ACTA2: variants seen among roughly 807,000 people sequenced by gnomAD.
ACTA2 encodes the protein actin, aortic smooth muscle.
A neutral mutation model predicts 39.5 loss-of-function variants in ACTA2; 12 were observed. That is an observed-to-expected ratio of 0.30 (90% confidence interval 0.19 to 0.49). The LOEUF is 0.49. Ranked by LOEUF, ACTA2 falls within the 20% of genes least tolerant of loss-of-function variation. ACTA2 has a pLI of 0.99. For synonymous variants in ACTA2, 158 were observed against 180.6 expected, an observed-to-expected ratio of 0.88 and a Z score of 1.00; for missense variants, 236 against 498.8, an observed-to-expected ratio of 0.47 and a Z score of 5.02.
intron 1 of ACTA2, among the ~76,000 whole-genome samples, chr10:88,975,756 G>T (rs940520463): frequency 6.6e-6 from 1 of 152,156 alleles, no homozygotes; most frequent in African/African-American, 2.4e-5. Context: ...CAAACCAGGA[G>T]ATACTTGACA....
intron 1 of ACTA2, among the ~76,000 whole-genome samples, chr10:88,982,527 G>C (rs937631338): frequency 3.3e-5 from 5 of 152,054 alleles, no homozygotes; most frequent in Non-Finnish European, 7.4e-5. Context: ...AAAAGGCAGA[G>C]ATTCACTGAG....
chr10:88,967,658 G>T (rs1846343427), intron 1 of ACTA2, among the ~76,000 whole-genome samples: 1 of 152,108 alleles, frequency 6.6e-6, no homozygotes, highest in African/African-American at 2.4e-5. Flanking sequence ...AAAGACAGAA[G>T]ATGAACATAT....
At chr10:88,964,221 C>T (rs1367512938) in intron 1 of ACTA2, among the ~76,000 whole-genome samples, 8 of 151,790 alleles carry the variant, frequency 5.3e-5, no homozygotes, top group African/African-American at 1.9e-4. Flanking sequence ...ATCTGGAACC[C>T]CTGCAAAAAA....
chr10:88,961,432 G>A (rs1176729771), intron 1 of ACTA2, among the ~76,000 whole-genome samples: 2 of 152,180 alleles, frequency 1.3e-5, no homozygotes, highest in African/African-American at 4.8e-5. Context: ...TAGTATGAGT[G>A]ACACCTTGCC....
intron 1 of ACTA2, among the ~76,000 whole-genome samples, chr10:88,988,407 G>T (rs1003426545): frequency 1.6e-5 from 2 of 128,210 alleles, no homozygotes; most frequent in East Asian, 2.4e-4. Flanking sequence ...GTGGTAAAAA[G>T]ATGTAGAAGT....
chr10:88,982,535 G>C (rs1042214168), intron 1 of ACTA2, among the ~76,000 whole-genome samples: 1 of 152,142 alleles, frequency 6.6e-6, no homozygotes, highest in African/African-American at 2.4e-5. Flanking sequence ...GAGATTCACT[G>C]AGGGGGGAAT....
upstream of ACTA2, among the ~76,000 whole-genome samples, chr10:88,952,994 CTGTGGG>C (rs1407379600): frequency 6.6e-6 from 1 of 152,254 alleles, no homozygotes; most frequent in Non-Finnish European, 1.5e-5. Context: ...GTTCAGCCGC[CTGTGGG>C]AGATAAACAC....
At position 88,991,062 on chromosome 10, in the gene ACTA2, C is replaced by T. The variant is rs566636808; in HGVS notation, c.-147G>A. The T allele has an allele frequency of 1.4e-5, 13 of 917,898 alleles. No individual in the cohort carries two copies. In the South Asian group the frequency reaches 1.8e-4, roughly 12 times the overall value. 56.9% of individuals were successfully genotyped at this position (917,898 alleles called of 1,614,324 possible). A position where few individuals can be genotyped will look rare whatever the true frequency, so the allele number is the denominator to read the frequency against. On this transcript the variant is annotated 5_prime_UTR_variant, in exon 1 of 5. Transcript: ENST00000415557. ...TGCTGCGGGAGGCGTTGGAGACTGG[C>T]TCCCGGGGGCTGTTAGGACCTTCCC...
chr10:88,959,632 C>T (rs898936520), intron 1 of ACTA2, among the ~76,000 whole-genome samples: 3 of 152,194 alleles, frequency 2.0e-5, no homozygotes, highest in African/African-American at 4.8e-5. Flanking sequence ...ATTAACATCT[C>T]ACATTACTGT....
At chr10:88,989,075 C>A (rs1199274959) in intron 1 of ACTA2, among the ~76,000 whole-genome samples, 2 of 152,182 alleles carry the variant, frequency 1.3e-5, no homozygotes, top group African/African-American at 4.8e-5. Context: ...TATTAACTAA[C>A]CATCTTTGCC....
At chr10:88,966,604 T>C (rs1428739189) in intron 1 of ACTA2, among the ~76,000 whole-genome samples, 2 of 152,174 alleles carry the variant, frequency 1.3e-5, no homozygotes, top group Non-Finnish European at 2.9e-5. Flanking sequence ...AAGGAAAGCA[T>C]GACTTAGACA....
upstream of ACTA2, among the ~76,000 whole-genome samples, chr10:88,957,387 T>C (rs1846153969): frequency 6.6e-6 from 1 of 152,238 alleles, no homozygotes. Context: ...TCACCAAAGA[T>C]AACTTGAGAA....
At chr10:88,980,482 A>G (rs1846684237) in intron 1 of ACTA2, among the ~76,000 whole-genome samples, 1 of 152,258 alleles carries the variant, frequency 6.6e-6, no homozygotes, top group Non-Finnish European at 1.5e-5. Context: ...AAGAGAGGCC[A>G]GGCCTGATGC....
Position 88,941,677 on chromosome 10 carries a change from G to A in ACTA2, c.454+108C>T, listed in dbSNP as rs147463067. ...ATCTTTTAGGGCTGGGTTCAGCCGTGTCCATTCTAACTCAACTCCAGTCCG... is the reference window on the plus strand; with the variant it reads ...ATCTTTTAGGGCTGGGTTCAGCCGTATCCATTCTAACTCAACTCCAGTCCG... On this transcript the variant is annotated intron_variant, in intron 5 of 8. Coordinates refer to ENST00000224784, the MANE Select transcript of ACTA2 (RefSeq NM_001613.4). The A allele has an allele frequency of 1.3e-3, 1,330 of 1,041,456 alleles. 3 individuals are homozygous for A. The highest frequency in any genetic ancestry group is 1.7e-3 in the Middle Eastern group (6 of 3,522). The allele number at this position is 1,041,456 out of a possible 1,614,324, so 64.5% of individuals were successfully genotyped here. A position where few individuals can be genotyped will look rare whatever the true frequency, so the allele number is the denominator to read the frequency against.
intron 1 of ACTA2, among the ~76,000 whole-genome samples, chr10:88,979,746 G>C (rs915483666): frequency 5.9e-5 from 9 of 152,154 alleles, no homozygotes; most frequent in African/African-American, 2.2e-4. Flanking sequence ...ACATGTGCTT[G>C]ACTGTATAAT....
upstream of ACTA2, among the ~76,000 whole-genome samples, chr10:88,955,966 A>G (rs919712113): frequency 6.6e-6 from 1 of 152,198 alleles, no homozygotes. Flanking sequence ...GCAATGAGAT[A>G]TGAGGCGTTA....
chr10:88,970,014 G>C (rs1364607774), intron 1 of ACTA2, among the ~76,000 whole-genome samples: 1 of 152,144 alleles, frequency 6.6e-6, no homozygotes, highest in Non-Finnish European at 1.5e-5. Flanking sequence ...CATGGCAGAC[G>C]TCAGATGTAA....
chr10:88,949,660 A>C (rs1477558692), intron 1 of ACTA2, among the ~76,000 whole-genome samples: 1 of 152,208 alleles, frequency 6.6e-6, no homozygotes, highest in Admixed American at 6.5e-5. Flanking sequence ...ATTATATATC[A>C]TATGGTAGAA....
chr10:88,939,873 C>G (rs1050387840), intron 6 of ACTA2, 175 bp from the exon 7 acceptor site: 1 of 676,036 alleles, frequency 1.5e-6, no homozygotes, highest in Non-Finnish European at 2.6e-6. Context: ...CACCAGGGAA[C>G]CACCTCTGTT....
Sources: allele counts gnomAD v4.1 joint callset (sites outside exome capture counted in the v4.1 genomes callset), GRCh38; gene constraint gnomAD v4.1.1; transcripts MANE v1.5; gene names NCBI Gene and HGNC (gene_info 2026-07-23, HGNC 2026-07-21).